Variants in NCKAP5 observed in about 807,000 individuals in gnomAD.
The protein encoded by NCKAP5 is NCK associated protein 5, also known as nck-associated protein 5.
Under a neutral mutation model 167.0 loss-of-function variants are expected in NCKAP5, and 92 were observed. The observed-to-expected ratio is 0.55, with a 90% CI of 0.47 to 0.66. The LOEUF is 0.66. NCKAP5 is among the 30% of genes least tolerant of loss of function. The probability of loss-of-function intolerance (pLI) is 0.00; values close to 1 mark genes in which losing one functional copy is unlikely to be tolerated. For missense variants in NCKAP5, 2,378 were observed against 2,315.0 expected, an observed-to-expected ratio of 1.03 and a Z score of -0.56; for synonymous variants, 891 against 877.4, an observed-to-expected ratio of 1.02 and a Z score of -0.27.
intron 3 of NCKAP5, among the ~76,000 whole-genome samples, chr2:133,492,694 T>C (rs1681581361): frequency 1.3e-5 from 2 of 152,242 alleles, no homozygotes. Context: ...TGTGAGATTG[T>C]ATATGGAAAG....
At chr2:133,050,392 G>T (rs925577788) in intron 6 of NCKAP5, among the ~76,000 whole-genome samples, 3 of 152,124 alleles carry the variant, frequency 2.0e-5, no homozygotes, top group African/African-American at 7.2e-5. Flanking sequence ...GAGGGAAAAA[G>T]AGATGGTTTT....
chr2:132,700,373 G>T (rs1049397334), intron 19 of NCKAP5, among the ~76,000 whole-genome samples: 5 of 152,104 alleles, frequency 3.3e-5, no homozygotes, highest in African/African-American at 1.2e-4. Flanking sequence ...TATTGCTTTT[G>T]GTGTTTTAGT....
At chr2:133,207,357 G>A (rs1184014205) in intron 5 of NCKAP5, among the ~76,000 whole-genome samples, 4 of 152,126 alleles carry the variant, frequency 2.6e-5, no homozygotes, top group Non-Finnish European at 5.9e-5. Flanking sequence ...TATGTGTATT[G>A]AGATTTGTTT....
intron 5 of NCKAP5, among the ~76,000 whole-genome samples, chr2:133,206,116 A>G (rs1322027241): frequency 3.3e-5 from 5 of 152,206 alleles, no homozygotes; most frequent in African/African-American, 1.2e-4. Context: ...TAGTCTGGTT[A>G]TGGTTTTTAA....
At chr2:133,190,554 A>T (rs2085168194) in intron 5 of NCKAP5, among the ~76,000 whole-genome samples, 1 of 152,216 alleles carries the variant, frequency 6.6e-6, no homozygotes, top group African/African-American at 2.4e-5. Flanking sequence ...ACAGCATGGT[A>T]CTGGTACCAA....
chr2:132,693,459 C>T (rs1056684899), intron 19 of NCKAP5, among the ~76,000 whole-genome samples: 36 of 151,802 alleles, frequency 2.4e-4, no homozygotes, highest in African/African-American at 8.5e-4. Context: ...AGAGAGAAAA[C>T]AGAGACAAAG....
At chr2:133,111,933 A>G (rs183277436) in intron 6 of NCKAP5, among the ~76,000 whole-genome samples, 133 of 152,296 alleles carry the variant, frequency 8.7e-4, no homozygotes, top group Admixed American at 1.6e-3. Flanking sequence ...AATCTCCCCC[A>G]GCCCACAGCC....
the NCKAP5 span, among the ~76,000 whole-genome samples, chr2:133,583,095 A>C: frequency 6.6e-6 from 1 of 151,526 alleles, no homozygotes; most frequent in Non-Finnish European, 1.5e-5. Context: ...AATTGATCAA[A>C]AGGAAATAAA....
In NCKAP5 at chr2:133,523,257, A is replaced by G. The variant is rs191032579; in HGVS notation, c.-61-5670T>C. ...TTCAAGAGAGTAACAAAACCGCACC[A>G]TTGAATAAAATCTCAAAGGCATATC... On this transcript the variant is annotated intron_variant, in intron 2 of 19. Coordinates refer to ENST00000409261, the MANE Select transcript of NCKAP5 (RefSeq NM_207363.3). Among the ~76,000 whole-genome samples the G allele has an allele frequency of 3.3e-5, 5 of 151,964 alleles. No individual in the cohort carries two copies. The East Asian group carries it at 9.7e-4, about 29-fold the overall frequency.
chr2:133,346,766 A>G (rs1684006356), intron 3 of NCKAP5, among the ~76,000 whole-genome samples: 1 of 152,248 alleles, frequency 6.6e-6, no homozygotes. Flanking sequence ...TGGCGATGCA[A>G]CAGGAGGGCC....
chr2:133,271,783 A>C (rs1321133673), intron 4 of NCKAP5, among the ~76,000 whole-genome samples: 1 of 152,140 alleles, frequency 6.6e-6, no homozygotes, highest in Non-Finnish European at 1.5e-5. Context: ...GATATAATAG[A>C]ATTTTCATTA....
intron 8 of NCKAP5, among the ~76,000 whole-genome samples, chr2:132,949,991 G>C (rs2076136853): frequency 6.6e-6 from 1 of 152,164 alleles, no homozygotes; most frequent in Admixed American, 6.5e-5. Flanking sequence ...CTACTCGAGA[G>C]GCTGAGGCAG....
At chr2:133,392,015 C>A (rs1374110562) in intron 3 of NCKAP5, among the ~76,000 whole-genome samples, 1 of 152,122 alleles carries the variant, frequency 6.6e-6, no homozygotes, top group African/African-American at 2.4e-5. Flanking sequence ...ATCATGCTGT[C>A]TTCTCTGTCT....
chr2:133,149,310 T>C (rs777971913), intron 5 of NCKAP5, among the ~76,000 whole-genome samples: 67 of 152,276 alleles, frequency 4.4e-4, no homozygotes, highest in Non-Finnish European at 6.5e-4. Context: ...TCTTTAAAAC[T>C]GGTATATCCA....
chr2:133,089,252 G>A (rs2081093988), intron 6 of NCKAP5, among the ~76,000 whole-genome samples: 1 of 152,150 alleles, frequency 6.6e-6, no homozygotes, highest in Non-Finnish European at 1.5e-5. Context: ...TCTTTAGTGG[G>A]CCATTGCACA....
chr2:132,900,977 G>GAAAAAAA (rs58885401), intron 8 of NCKAP5, among the ~76,000 whole-genome samples: 2 of 98,664 alleles, frequency 2.0e-5, no homozygotes, highest in African/African-American at 3.7e-5. Context: ...AAAAAAAAAA[G>GAAAAAAA]AAAAAAAAAA....
intron 6 of NCKAP5, among the ~76,000 whole-genome samples, chr2:132,994,675 GACAGCACGT>G (rs1205182095): frequency 6.6e-6 from 1 of 152,176 alleles, no homozygotes; most frequent in East Asian, 1.9e-4. Context: ...GTCTTTCTAT[GACAGCACGT>G]AAAGATTTAC....
rs60053479 is a variant in NCKAP5 at position 133,419,779 on chromosome 2, T to C, written c.69+97679A>G. On this transcript the variant is annotated intron_variant, in intron 3 of 19. Transcript: ENST00000409261. Reference sequence around the variant, plus strand: ...TCTATTTTCCTACTCAGCAAAATCATTCACAATTATTCCTGCAAAGAACAA... The same window carrying C: ...TCTATTTTCCTACTCAGCAAAATCACTCACAATTATTCCTGCAAAGAACAA... 3.3e-3 allele frequency among the ~76,000 whole-genome samples: 502 copies of C among 152,304 alleles called. 6 individuals carry two copies. The highest frequency in any genetic ancestry group is 0.011 in the African/African-American group (478 of 41,580).
At chr2:133,536,373 G>A (rs966890013) in intron 2 of NCKAP5, among the ~76,000 whole-genome samples, 1 of 152,002 alleles carries the variant, frequency 6.6e-6, no homozygotes, top group Non-Finnish European at 1.5e-5. Context: ...AGTTTTCCCA[G>A]CACCACTTAT....
Sources: allele counts gnomAD v4.1 joint callset (sites outside exome capture counted in the v4.1 genomes callset), GRCh38; gene constraint gnomAD v4.1.1; transcripts MANE v1.5; gene names NCBI Gene and HGNC (gene_info 2026-07-23, HGNC 2026-07-21).